RAD54B: variants seen among roughly 807,000 people sequenced by gnomAD.
RAD54B encodes DNA repair and recombination protein RAD54B.
RAD54B carries 78 observed loss-of-function variants against 95.8 expected under a neutral mutation model. That is an observed-to-expected ratio of 0.81 (90% CI 0.68 to 0.98). The LOEUF (loss-of-function observed/expected upper bound fraction) is 0.98, where lower values mean the gene tolerates loss of function less well. Among genes scored for constraint, RAD54B ranks in the 50% least tolerant of loss-of-function variants. The pLI is 0.00. For synonymous variants in RAD54B, 328 were observed against 354.9 expected (o/e 0.92, Z 0.85); for missense variants, 957 against 1,056.6 (o/e 0.91, Z 1.31).
intron 3 of RAD54B, among the ~76,000 whole-genome samples, chr8:94,415,614 C>T (rs1378045428): frequency 7.2e-6 from 1 of 139,380 alleles, no homozygotes; most frequent in African/African-American, 2.6e-5. Flanking sequence ...TCGCAACCTA[C>T]TCATCTGACA....
intron 5 of RAD54B, 29 bp from the exon 6 acceptor site, chr8:94,404,268 G>T: frequency 6.6e-7 from 1 of 1,526,052 alleles, no homozygotes; most frequent in East Asian, 2.3e-5. Context: ...TACAAGTATT[G>T]TAATTTCACT....
chr8:94,436,832 A>G, intron 3 of RAD54B: 1 of 1,542,964 alleles, frequency 6.5e-7, no homozygotes, highest in Non-Finnish European at 8.7e-7. Flanking sequence ...AGCTTTTCGG[A>G]TAAGGTAAAA....
rs552693669 is a variant in RAD54B, at chr8:94,466,539, C to G, written c.135+866G>C. Among the ~76,000 whole-genome samples, 10 of 152,136 alleles carry G rather than the reference C, an allele frequency of 6.6e-5. No individual in the cohort carries two copies. The South Asian group carries it at 2.1e-3, about 32-fold the overall frequency. ...TCTCCTGCCTCAGTCTCCGGAGTAGCTGGGATTATAGGCGCGTGCCACCAT... is the reference window on the plus strand; with the variant it reads ...TCTCCTGCCTCAGTCTCCGGAGTAGGTGGGATTATAGGCGCGTGCCACCAT... On this transcript the variant is annotated intron_variant, in intron 2 of 14. Coordinates refer to ENST00000336148, the MANE Select transcript of RAD54B (RefSeq NM_012415.3).
chr8:94,408,534 A>G (rs1434287147), intron 4 of RAD54B, among the ~76,000 whole-genome samples: 1 of 152,220 alleles, frequency 6.6e-6, no homozygotes, highest in African/African-American at 2.4e-5. Context: ...CACATTTTAG[A>G]AAATATGATG....
chr8:94,454,231 G>C (rs1812731746), intron 3 of RAD54B, among the ~76,000 whole-genome samples: 2 of 152,062 alleles, frequency 1.3e-5, no homozygotes, highest in Non-Finnish European at 1.5e-5. Context: ...TAAACCCATA[G>C]AGACAGAAAG....
intron 3 of RAD54B, among the ~76,000 whole-genome samples, chr8:94,427,427 T>C (rs1811970217): frequency 6.6e-6 from 1 of 152,024 alleles, no homozygotes; most frequent in African/African-American, 2.4e-5. Flanking sequence ...TTTAATTAGA[T>C]TGCATATTCT....
chr8:94,459,598 G>A (rs867288238), intron 2 of RAD54B, among the ~76,000 whole-genome samples: 229 of 143,654 alleles, frequency 1.6e-3, no homozygotes, highest in Middle Eastern at 8.6e-3. Flanking sequence ...AGTGGCTCAC[G>A]CCTGTAATCC....
chr8:94,377,920 G>A (rs1336076066), intron 14 of RAD54B, among the ~76,000 whole-genome samples: 1 of 136,672 alleles, frequency 7.3e-6, no homozygotes, highest in Non-Finnish European at 1.5e-5. Context: ...AGCTTGCAGT[G>A]AGCCGAGATC....
intron 3 of RAD54B, among the ~76,000 whole-genome samples, chr8:94,442,872 C>T (rs1812435850): frequency 6.6e-6 from 1 of 152,192 alleles, no homozygotes; most frequent in South Asian, 2.1e-4. Flanking sequence ...TATAATTTCA[C>T]AACCCTGTGT....
At position 94,387,154 on chromosome 8, in the gene RAD54B, CT is replaced by C; in HGVS notation, c.1814del (p.Lys605ArgfsTer20). ...PCLLFNSIKE[K>X]ECSSTCDKNE... is the part of the protein sequence containing the mutation. ...TTTTATCACAAGTTGAGCTACATTC[CT>C]TTTCCTATTCAAAATGATGATTGTT... On this transcript the variant is annotated frameshift_variant, in exon 11 of 15. Coordinates refer to ENST00000336148, the MANE Select transcript of RAD54B (RefSeq NM_012415.3). LOFTEE classifies it high-confidence loss of function. 6.3e-7 allele frequency: 1 copy of C among 1,577,878 alleles called. No homozygotes were observed. The highest frequency in any genetic ancestry group is 8.6e-7 in the Non-Finnish European group (1 of 1,167,294).
chr8:94,390,199 A>T lies in RAD54B; in HGVS notation c.1809+1410T>A, dbSNP rs189631256. Among the ~76,000 whole-genome samples the T allele has an allele frequency of 3.6e-3, 545 of 151,456 alleles. 2 individuals are homozygous for T. The highest frequency in any genetic ancestry group is 9.3e-3 in the African/African-American group (384 of 41,356). On this transcript the variant is annotated intron_variant, in intron 10 of 14. Transcript: ENST00000336148. The stretch of plus-strand genomic sequence containing the variant: ...TATTTTTTAAAAAATAAATATTTTT[A>T]AAAAAAATAAATAAAAAGGGCCAGG...
chr8:94,473,153 A>T (rs778007640), intron 1 of RAD54B, among the ~76,000 whole-genome samples: 22 of 152,192 alleles, frequency 1.4e-4, no homozygotes, highest in Non-Finnish European at 3.1e-4. Context: ...TGTCCATAAT[A>T]AATTAATTAA....
chr8:94,409,524 C>A lies in RAD54B; in HGVS notation c.499+1597G>T, dbSNP rs557829379. On this transcript the variant is annotated intron_variant, in intron 4 of 14. Coordinates refer to ENST00000336148, the MANE Select transcript of RAD54B (RefSeq NM_012415.3). Reference sequence around the variant, plus strand: ...TAGTTAGAGTTACAGATGCATGCCACTACACCTGGTTAATTTATTTTTTTG... The same window carrying A: ...TAGTTAGAGTTACAGATGCATGCCAATACACCTGGTTAATTTATTTTTTTG... Among the ~76,000 whole-genome samples, 7 of 152,096 alleles carry A rather than the reference C, an allele frequency of 4.6e-5. No homozygotes were observed. In the East Asian group the frequency reaches 1.2e-3, roughly 25 times the overall value.
chr8:94,419,666 G>C (rs1052384862), intron 3 of RAD54B, among the ~76,000 whole-genome samples: 12 of 145,958 alleles, frequency 8.2e-5, no homozygotes, highest in African/African-American at 3.1e-4. Flanking sequence ...GAGGTACTAA[G>C]TTACGGGGCT....
intron 3 of RAD54B, among the ~76,000 whole-genome samples, chr8:94,434,887 ATT>A (rs990055677): frequency 3.3e-5 from 5 of 151,604 alleles, no homozygotes; most frequent in South Asian, 2.1e-4. Context: ...ATCCCAAAAG[ATT>A]TTTTGTGTGT....
chr8:94,393,657 T>C, intron 9 of RAD54B, 86 bp downstream of exon 9: 1 of 1,330,286 alleles, frequency 7.5e-7, no homozygotes, highest in Non-Finnish European at 1.0e-6. Context: ...ACTATTGATT[T>C]TTCTAAATCA....
Position 94,378,214 on chromosome 8 carries a change from A to T in RAD54B, c.2481T>A (p.Leu827=). The change falls in exon 14 of 15, where the codon CTT becomes CTA. Residue 827 remains leucine, a synonymous_variant. Transcript: ENST00000336148. ...CTTCTTCTCCTGTACACTCACAGTC[A>T]AGCAGATCATGAGTAACACAATCTG... is the stretch of plus-strand genomic sequence containing the variant. ...ESSDCVTHDL[L]DCECTGEEVH... 2 of 1,612,468 alleles carry T rather than the reference A, an allele frequency of 1.2e-6. No homozygotes were observed. Among genetic ancestry groups the T allele is most frequent in the Non-Finnish European group, 1.7e-6 (2 of 1,179,470 alleles).
chr8:94,430,468 C>G, intron 3 of RAD54B: 1 of 983,136 alleles, frequency 1.0e-6, no homozygotes, highest in South Asian at 4.7e-5. Context: ...CTCTGTTTCA[C>G]TGGTTCTCAA....
intron 3 of RAD54B, among the ~76,000 whole-genome samples, chr8:94,444,758 G>A (rs2197003): frequency 0.28 from 41,440 of 149,242 alleles, 6,086 homozygotes; most frequent in East Asian, 0.43. Context: ...ATAGGCCCCT[G>A]ACCTTCCTTT....
Sources: gnomAD v4.1 joint callset for allele counts (sites outside exome capture counted in the v4.1 genomes callset) on GRCh38, gnomAD v4.1.1 for gene constraint, MANE v1.5 for transcripts, NCBI Gene and HGNC (gene_info 2026-07-23, HGNC 2026-07-21) for gene names.